Variants in RPE65 observed in about 807,000 individuals in gnomAD.
RPE65 encodes the protein retinoid isomerohydrolase RPE65.
A neutral mutation model predicts 68.5 loss-of-function variants in RPE65; 58 were observed. The ratio of observed to expected loss-of-function variants is 0.85; its 90% CI spans 0.69 to 1.05. RPE65 has a LOEUF of 1.05. Ranked by LOEUF, RPE65 falls within the 50% of genes least tolerant of loss-of-function variation. The pLI is 0.00. For missense variants in RPE65, 643 were observed against 629.9 expected, an observed-to-expected ratio of 1.02 and a Z score of -0.22; for synonymous variants, 220 against 222.2, an observed-to-expected ratio of 0.99 and a Z score of 0.09.
intron 13 of RPE65, among the ~76,000 whole-genome samples, 179 bp downstream of exon 13, chr1:68,430,886 C>G (rs573105146): frequency 7.9e-5 from 12 of 152,072 alleles, no homozygotes; most frequent in Non-Finnish European, 1.3e-4. Context: ...ATCAACAAGA[C>G]CTGATCAAAA....
At chr1:68,441,403 C>G (rs1043827055) in intron 5 of RPE65, among the ~76,000 whole-genome samples, 2 of 151,684 alleles carry the variant, frequency 1.3e-5, no homozygotes, top group Non-Finnish European at 2.9e-5. Context: ...ATGTCAATTT[C>G]GTATGGTACT....
chr1:68,448,611 G>A lies in RPE65; in HGVS notation c.94+13C>T, dbSNP rs369523082. On this transcript the variant is annotated intron_variant, in intron 2 of 13. Coordinates refer to ENST00000262340, the MANE Select transcript of RPE65 (RefSeq NM_000329.3). ...ACATAAAAGAGGATGGCTTCAAGAT[G>A]GGCGAGACCAACCTGTTACATGAGC... 6 of 1,612,956 alleles carry A rather than the reference G, an allele frequency of 3.7e-6. No individual in the cohort carries two copies. In the Admixed American group the frequency reaches 5.0e-5, roughly 13 times the overall value.
At position 68,431,555 on chromosome 1, in the gene RPE65, G is replaced by C. The variant is rs759019904; in HGVS notation, c.1159C>G (p.Pro387Ala). The C allele has an allele frequency of 2.5e-6, 4 of 1,613,862 alleles. No individual in the cohort carries two copies. The highest frequency in any genetic ancestry group is 2.5e-6 in the Non-Finnish European group (3 of 1,179,882). The stretch of plus-strand genomic sequence containing the variant: ...AGAATTGCAGTGGCAGTTGTATTGG[G>C]GAGCGTGACTAAATTCTTGCCTGTG... ...ADTGKNLVTLPNTTATAILCS... is the reference protein window; with the variant it reads ...ADTGKNLVTLANTTATAILCS... The change falls in exon 11 of 14, where the codon CCC becomes GCC. Residue 387 changes from proline (P) to alanine (A), a missense_variant. Transcript: ENST00000262340.
chr1:68,439,047 T>G lies in RPE65; in HGVS notation c.893A>C (p.Lys298Thr), dbSNP rs1015237242. The G allele has an allele frequency of 6.2e-7, 1 of 1,613,784 alleles. No homozygotes were observed. Among genetic ancestry groups the G allele is most frequent in the Non-Finnish European group, 8.5e-7 (1 of 1,179,798 alleles). ...WLHIADKKRK[K>T]YLNNKYRTSP... ...AGTTCTGTATTTATTATTGAGGTACTTTTTCCTTTTTTTGTCAGCAATATG... is the reference window on the plus strand; with the variant it reads ...AGTTCTGTATTTATTATTGAGGTACGTTTTCCTTTTTTTGTCAGCAATATG... Residue 298 changes from lysine to threonine, a missense_variant, in exon 9 of 14, where the codon AAG becomes ACG. Physicochemically the swap from Lys to Thr is moderately conservative, Grantham distance 78. Coordinates refer to ENST00000262340, the MANE Select transcript of RPE65 (RefSeq NM_000329.3).
intron 9 of RPE65, among the ~76,000 whole-genome samples, chr1:68,438,622 G>A (rs1264139040): frequency 6.6e-6 from 1 of 152,148 alleles, no homozygotes; most frequent in African/African-American, 2.4e-5. Context: ...TCTGAAAAAC[G>A]CATGTCTTTT....
At chr1:68,446,603 G>T in intron 3 of RPE65, 107 bp downstream of exon 3, 1 of 1,252,950 alleles carries the variant, frequency 8.0e-7, no homozygotes. Flanking sequence ...AGAAGAAAGT[G>T]GGTATATAGG....
At chr1:68,447,685 T>C (rs910526400) in intron 2 of RPE65, among the ~76,000 whole-genome samples, 1 of 151,948 alleles carries the variant, frequency 6.6e-6, no homozygotes, top group South Asian at 2.1e-4. Context: ...CCGTCTCTAC[T>C]AAAAATACGA....
intron 5 of RPE65, among the ~76,000 whole-genome samples, chr1:68,442,527 T>C (rs1314233566): frequency 1.3e-5 from 2 of 152,220 alleles, no homozygotes; most frequent in African/African-American, 4.8e-5. Context: ...TTTAAAAAAT[T>C]GCTACTGCTG....
chr1:68,430,155 T>G (rs1645815858), intron 13 of RPE65, among the ~76,000 whole-genome samples: 1 of 152,226 alleles, frequency 6.6e-6, no homozygotes, highest in African/African-American at 2.4e-5. Context: ...GGGAGAGTCT[T>G]GTCTGTCTTG....
chr1:68,431,480 G>T lies in RPE65; in HGVS notation c.1234C>A (p.Pro412Thr), dbSNP rs1458452392. 1 of 1,613,590 alleles carries T rather than the reference G, an allele frequency of 6.2e-7. No homozygotes were observed. Among genetic ancestry groups the T allele is most frequent in the African/African-American group, 1.3e-5 (1 of 74,890 alleles). ...WLEPEVLFSGPRQAFEFPQIN... is the reference protein window; with the variant it reads ...WLEPEVLFSGTRQAFEFPQIN... Reference sequence around the variant, plus strand: ...CTCTAGATCATCTCACCTTGACGAGGCCCTGAAAAGAGAACTTCAGGCTCC... The same window carrying T: ...CTCTAGATCATCTCACCTTGACGAGTCCCTGAAAAGAGAACTTCAGGCTCC... The change falls in exon 11 of 14, where the codon CCT (proline) becomes ACT (threonine). Residue 412 changes from proline to threonine, a missense_variant. Transcript: ENST00000262340.
At chr1:68,449,818 C>T in intron 1 of RPE65, 77 bp downstream of exon 1, 1 of 1,528,738 alleles carries the variant, frequency 6.5e-7, no homozygotes. Context: ...AATGCCTTCT[C>T]TTCAGGAGCC....
chr1:68,440,902 T>G lies in RPE65; in HGVS notation c.594A>C (p.Lys198Asn). ...TVYNIGNCFGKNFSIAYNIVK... is the reference protein window; with the variant it reads ...TVYNIGNCFGNNFSIAYNIVK... ...CAATGTTGTAGGCAATTGAAAAATTTTTTCCAAAGCAATTACCAATATTGT... is the reference window on the plus strand; with the variant it reads ...CAATGTTGTAGGCAATTGAAAAATTGTTTCCAAAGCAATTACCAATATTGT... The change falls in exon 6 of 14, where the codon AAA (lysine) becomes AAC (asparagine). Residue 198 changes from lysine (K) to asparagine (N), a missense_variant. Physicochemically the swap from Lys to Asn is moderately conservative, Grantham distance 94. Transcript: ENST00000262340. 6.2e-7 allele frequency: 1 copy of G among 1,614,008 alleles called. No individual in the cohort carries two copies. The highest frequency in any genetic ancestry group is 8.5e-7 in the Non-Finnish European group (1 of 1,179,932).
chr1:68,434,184 CTT>C (rs1412111372), intron 10 of RPE65, among the ~76,000 whole-genome samples: 3 of 149,990 alleles, frequency 2.0e-5, no homozygotes, highest in Non-Finnish European at 4.4e-5. Flanking sequence ...GAGATGAAAA[CTT>C]AGGGAATTTT....
intron 6 of RPE65, among the ~76,000 whole-genome samples, chr1:68,440,113 A>G (rs1300113568): frequency 3.3e-5 from 5 of 152,228 alleles, no homozygotes; most frequent in Non-Finnish European, 7.3e-5. Flanking sequence ...TCAGAATCAC[A>G]TAAAGAGTTT....
intron 13 of RPE65, among the ~76,000 whole-genome samples, chr1:68,430,791 T>C (rs1035143319): frequency 1.3e-5 from 2 of 152,176 alleles, no homozygotes; most frequent in Non-Finnish European, 2.9e-5. Context: ...TTGCCATTTT[T>C]TCTTCCTTCT....
chr1:68,431,639 A>G, intron 10 of RPE65, 54 bp from the exon 11 acceptor site: 5 of 1,435,104 alleles, frequency 3.5e-6, no homozygotes, highest in Non-Finnish European at 4.9e-6. Context: ...TCAAACAGCC[A>G]GAAATGCAGA....
At chr1:68,448,477 G>C in intron 2 of RPE65, 147 bp downstream of exon 2, 1 of 702,790 alleles carries the variant, frequency 1.4e-6, no homozygotes, top group South Asian at 1.6e-5. Context: ...GAAAGAAAAT[G>C]GGTTCTTGCT....
chr1:68,442,265 G>T (rs1009901921), intron 5 of RPE65, among the ~76,000 whole-genome samples: 1 of 152,224 alleles, frequency 6.6e-6, no homozygotes, highest in Non-Finnish European at 1.5e-5. Flanking sequence ...ACTAATGTTT[G>T]AAAGGTGCGT....
chr1:68,436,885 G>A (rs1203745528), intron 10 of RPE65, among the ~76,000 whole-genome samples: 2 of 152,118 alleles, frequency 1.3e-5, no homozygotes, highest in African/African-American at 4.8e-5. Context: ...CCCCTCACAT[G>A]TAATTAGATA....
Sources: allele counts gnomAD v4.1 joint callset (sites outside exome capture counted in the v4.1 genomes callset), GRCh38; gene constraint gnomAD v4.1.1; transcripts MANE v1.5; gene names NCBI Gene and HGNC (gene_info 2026-07-23, HGNC 2026-07-21).